MAP2K5: variants seen among roughly 807,000 people sequenced by gnomAD.
The protein encoded by MAP2K5 is mitogen-activated protein kinase kinase 5, also known as dual specificity mitogen-activated protein kinase kinase 5.
In MAP2K5, 49 loss-of-function variants were observed where a neutral mutation model predicts 83.1. The observed-to-expected ratio is 0.59, with a 90% CI of 0.47 to 0.75. The LOEUF is 0.75. Ranked by LOEUF, MAP2K5 falls within the 30% of genes least tolerant of loss-of-function variation. The pLI, the probability that MAP2K5 is intolerant of heterozygous loss-of-function variation, is 0.00. For missense variants in MAP2K5, 457 were observed against 557.5 expected (o/e 0.82, Z 1.82); for synonymous variants, 202 against 191.8 (o/e 1.05, Z -0.44).
intron 20 of MAP2K5, among the ~76,000 whole-genome samples, chr15:67,771,221 C>T (rs2141302832): frequency 6.6e-6 from 1 of 150,596 alleles, no homozygotes; most frequent in South Asian, 2.1e-4. Context: ...GGTAATGCCT[C>T]ATTTTGAAAT....
intron 3 of MAP2K5, among the ~76,000 whole-genome samples, chr15:67,571,592 ATTTCAAGATTTTTTT>A (rs1056105456): frequency 6.8e-6 from 1 of 147,382 alleles, no homozygotes; most frequent in African/African-American, 2.6e-5. Context: ...ACCATTTCCT[ATTTCAAGATTTTTTT>A]TTTCAAGTAC....
intron 7 of MAP2K5, among the ~76,000 whole-genome samples, chr15:67,596,897 C>T (rs2085537279): frequency 6.6e-6 from 1 of 152,184 alleles, no homozygotes; most frequent in African/African-American, 2.4e-5. Flanking sequence ...ATTGGCCGGG[C>T]ATGGTGGCTC....
Position 67,802,896 on chromosome 15 carries a change from G to T in MAP2K5, c.1243-3750G>T, listed in dbSNP as rs79585489. ...CCCAAGCCCAGGGGAGGGACCAGCC[G>T]CAGGGGCTGGAGACTGCAAGGAGCC... On this transcript the variant is annotated intron_variant, in intron 21 of 21. Coordinates refer to ENST00000178640, the MANE Select transcript of MAP2K5 (RefSeq NM_145160.3). This position sits in a 1 kb window ranked among gnomAD's most constrained non-coding sequence, Gnocchi z 5.0. Among the ~76,000 whole-genome samples the T allele has an allele frequency of 1.3e-5, 2 of 152,210 alleles. No individual in the cohort carries two copies. Among genetic ancestry groups the T allele is most frequent in the East Asian group, 1.9e-4 (1 of 5,188 alleles).
At chr15:67,704,499 G>A (rs1754972573) in intron 16 of MAP2K5, among the ~76,000 whole-genome samples, 1 of 152,160 alleles carries the variant, frequency 6.6e-6, no homozygotes, top group Admixed American at 6.5e-5. Flanking sequence ...TTTTCTGTGA[G>A]TTTTGTAATG....
chr15:67,802,672 CT>C lies in MAP2K5; in HGVS notation c.1243-3971del, dbSNP rs2090727709. On this transcript the variant is annotated intron_variant, in intron 21 of 21. Transcript: ENST00000178640. This position sits in a 1 kb window ranked among gnomAD's most constrained non-coding sequence, Gnocchi z 5.0. ...GCTGTGCAGAAATGGTGCTAACATG[CT>C]TTCCGCGTGAAGGACGGAGGCCTAG... Among the ~76,000 whole-genome samples the C allele has an allele frequency of 6.6e-6, 1 of 152,252 alleles. No homozygotes were observed. The highest frequency in any genetic ancestry group is 6.5e-5 in the Admixed American group (1 of 15,292).
intron 13 of MAP2K5, among the ~76,000 whole-genome samples, chr15:67,669,384 C>CT (rs1429872363): frequency 6.6e-6 from 1 of 151,926 alleles, no homozygotes; most frequent in East Asian, 1.9e-4. Context: ...ATCAAAGAAA[C>CT]CTCATAGGGA....
At chr15:67,580,018 T>TC (rs889399765) in intron 3 of MAP2K5, among the ~76,000 whole-genome samples, 15 of 152,298 alleles carry the variant, frequency 9.8e-5, no homozygotes, top group Non-Finnish European at 1.6e-4. Context: ...AGAAGCCATC[T>TC]CCAAGTTAGG....
Position 67,693,500 on chromosome 15 carries a change from G to A in MAP2K5, c.922-18G>A. ...ACATTATCTTTATATTGTTCTAACA[G>A]ACTGTTTTGTCTCATAGCTGGTGAA... On this transcript the variant is annotated intron_variant, in intron 14 of 21. Coordinates refer to ENST00000178640, the MANE Select transcript of MAP2K5 (RefSeq NM_145160.3). 3 of 1,598,916 alleles carry A rather than the reference G, an allele frequency of 1.9e-6. No homozygotes were observed. Among genetic ancestry groups the A allele is most frequent in the Non-Finnish European group, 2.6e-6 (3 of 1,168,190 alleles).
At chr15:67,663,525 G>A (rs1457693022) in intron 12 of MAP2K5, among the ~76,000 whole-genome samples, 1 of 152,036 alleles carries the variant, frequency 6.6e-6, no homozygotes, top group African/African-American at 2.4e-5. Flanking sequence ...CTCCTGATGG[G>A]AAAAGCAGTT....
In MAP2K5 at chr15:67,786,795, A is replaced by T. The variant is rs1035892823; in HGVS notation, c.1242+14043A>T. Among the ~76,000 whole-genome samples, 2 of 152,220 alleles carry T rather than the reference A, an allele frequency of 1.3e-5. No homozygotes were observed. The highest frequency in any genetic ancestry group is 4.8e-5 in the African/African-American group (2 of 41,442). On this transcript the variant is annotated intron_variant, in intron 21 of 21. Transcript: ENST00000178640. This position sits in a 1 kb window ranked among gnomAD's most constrained non-coding sequence, Gnocchi z 4.7. ...TATCGCAAAGCATGAAATTTAAGTG[A>T]GATAAAAATGTTAGACACTTAGCAC... is the stretch of plus-strand genomic sequence containing the variant.
rs1051941709 is a variant in MAP2K5, at chr15:67,692,400, G to A, written c.848-79G>A. On this transcript the variant is annotated intron_variant, in intron 13 of 21. Coordinates refer to ENST00000178640, the MANE Select transcript of MAP2K5 (RefSeq NM_145160.3). ...GATGTCATTTCTGCAACTTGGTGTGGTGTGCATGTGTGCTTTTAAAGAACA... is the reference window on the plus strand; with the variant it reads ...GATGTCATTTCTGCAACTTGGTGTGATGTGCATGTGTGCTTTTAAAGAACA... 3 of 879,288 alleles carry A rather than the reference G, an allele frequency of 3.4e-6. 1 individual carries two copies. In the Admixed American group the frequency reaches 5.7e-5, roughly 17 times the overall value. 54.5% of individuals were successfully genotyped at this position (879,288 alleles called of 1,614,324 possible).
At chr15:67,584,630 A>G (rs1024852750) in intron 4 of MAP2K5, among the ~76,000 whole-genome samples, 1 of 151,916 alleles carries the variant, frequency 6.6e-6, no homozygotes, top group Non-Finnish European at 1.5e-5. Context: ...ATACAAAATG[A>G]AAGCAACTGC....
At chr15:67,673,685 C>A (rs1401024836) in intron 13 of MAP2K5, among the ~76,000 whole-genome samples, 1 of 151,918 alleles carries the variant, frequency 6.6e-6, no homozygotes, top group African/African-American at 2.4e-5. Flanking sequence ...AGAAAACTAA[C>A]CTGATTAATT....
chr15:67,646,350 G>A (rs1358844224), intron 10 of MAP2K5, 38 bp from the exon 11 acceptor site: 2 of 1,427,014 alleles, frequency 1.4e-6, no homozygotes, highest in Admixed American at 1.7e-5. Flanking sequence ...GTATTGACTT[G>A]CAGGTTTATA....
rs2088903514 is a variant in MAP2K5 at position 67,719,554 on chromosome 15, A to G, written c.1045-8362A>G. On this transcript the variant is annotated intron_variant, in intron 16 of 21. Transcript: ENST00000178640. The surrounding 1 kb of genome is among the most constrained non-coding windows in gnomAD (Gnocchi z 4.6). ...AGAACACTGGGAACTGTCACCAGGA[A>G]GGATGTGATACACACTGCCCAGTGA... Among the ~76,000 whole-genome samples the G allele has an allele frequency of 6.6e-6, 1 of 152,222 alleles. No individual in the cohort carries two copies. Among genetic ancestry groups the G allele is most frequent in the South Asian group, 2.1e-4 (1 of 4,830 alleles).
At position 67,806,974 on chromosome 15, in the gene MAP2K5, G is replaced by A. The variant is rs1284111819; in HGVS notation, c.*224G>A. 7 of 1,523,764 alleles carry A rather than the reference G, an allele frequency of 4.6e-6. No homozygotes were observed. Among genetic ancestry groups the A allele is most frequent in the Middle Eastern group, 1.7e-4 (1 of 5,786 alleles). The allele number at this position is 1,523,764 out of a possible 1,614,324, so 94.4% of individuals were successfully genotyped here. On this transcript the variant is annotated 3_prime_UTR_variant, in exon 22 of 22. Coordinates refer to ENST00000178640, the MANE Select transcript of MAP2K5 (RefSeq NM_145160.3). The stretch of plus-strand genomic sequence containing the variant: ...TTCTGGTTTGAAGGCGCTGACACTG[G>A]CAGAGAGGTAAAGGGTGGGGCATTG...
chr15:67,677,046 T>A lies in MAP2K5; in HGVS notation c.847+12401T>A, dbSNP rs1407521298. ...TAAATGAGAGGGAATAGTTAGAACGTTCCTCACACTTTCCTGTTAACATCT... is the reference window on the plus strand; with the variant it reads ...TAAATGAGAGGGAATAGTTAGAACGATCCTCACACTTTCCTGTTAACATCT... On this transcript the variant is annotated intron_variant, in intron 13 of 21. Transcript: ENST00000178640. The surrounding 1 kb of genome is among the most constrained non-coding windows in gnomAD (Gnocchi z 4.2). Among the ~76,000 whole-genome samples, 4 of 152,220 alleles carry A rather than the reference T, an allele frequency of 2.6e-5. No individual in the cohort carries two copies. Among genetic ancestry groups the A allele is most frequent in the African/African-American group, 7.2e-5 (3 of 41,454 alleles).
intron 8 of MAP2K5, among the ~76,000 whole-genome samples, chr15:67,605,715 A>T (rs183965945): frequency 3.5e-4 from 53 of 152,212 alleles, no homozygotes; most frequent in African/African-American, 1.2e-3. Flanking sequence ...CTCAAGGTCA[A>T]GCAGAGTCCA....
In MAP2K5 at chr15:67,686,941, T is replaced by C. The variant is rs190266207; in HGVS notation, c.848-5538T>C. Among the ~76,000 whole-genome samples, 42 of 152,288 alleles carry C rather than the reference T, an allele frequency of 2.8e-4. No individual in the cohort carries two copies. In the East Asian group the frequency reaches 7.3e-3, roughly 27 times the overall value. On this transcript the variant is annotated intron_variant, in intron 13 of 21. Coordinates refer to ENST00000178640, the MANE Select transcript of MAP2K5 (RefSeq NM_145160.3). ...AACAGTCCAGGTGGAATGCAAAGAT[T>C]GGTTTGAGGATGACTGGATGTCTAG... is the stretch of plus-strand genomic sequence containing the variant.
Sources: allele counts gnomAD v4.1 joint callset (sites outside exome capture counted in the v4.1 genomes callset), GRCh38; gene constraint gnomAD v4.1.1; non-coding constraint Gnocchi (gnomAD v3.1); transcripts MANE v1.5; gene names NCBI Gene and HGNC (gene_info 2026-07-23, HGNC 2026-07-21).